TNRC18: variants seen among roughly 807,000 people sequenced by gnomAD.
The protein encoded by TNRC18 is trinucleotide repeat containing 18.
A neutral mutation model predicts 226.7 loss-of-function variants in TNRC18; 69 were observed. The observed-to-expected ratio is 0.30, with a 90% CI of 0.25 to 0.37. The LOEUF is 0.37. Ranked by LOEUF, TNRC18 falls within the 10% of genes least tolerant of loss-of-function variation. The pLI, the probability that TNRC18 is intolerant of heterozygous loss-of-function variation, is 1.00. For synonymous variants in TNRC18, 2,449 were observed against 1,927.6 expected (o/e 1.27, Z -7.09); for missense variants, 4,754 against 4,256.6 (o/e 1.12, Z -3.25).
chr7:5,363,330 T>C (rs6971630), intron 11 of TNRC18, among the ~76,000 whole-genome samples: 82,362 of 150,430 alleles, frequency 0.55, 22,869 homozygotes, highest in African/African-American at 0.65. Flanking sequence ...AGGCCAGGCG[T>C]GGTGGCTCAC....
intron 18 of TNRC18, among the ~76,000 whole-genome samples, chr7:5,344,302 G>A (rs1471827939): frequency 6.6e-6 from 1 of 152,188 alleles, no homozygotes; most frequent in African/African-American, 2.4e-5. Context: ...GCCATTTGGA[G>A]GTTCTGGGCA....
intron 11 of TNRC18, among the ~76,000 whole-genome samples, chr7:5,365,199 G>A (rs1236685022): frequency 1.3e-5 from 2 of 152,112 alleles, no homozygotes; most frequent in Non-Finnish European, 2.9e-5. Flanking sequence ...ACAGCCTCAA[G>A]CTGCCAGGCT....
rs1325816716 is a variant in TNRC18 at position 5,306,812 on chromosome 7, TTTC to T, written c.*1291_*1293del. The T allele has an allele frequency of 1.3e-5, 2 of 151,712 alleles. No individual in the cohort carries two copies. Among genetic ancestry groups the T allele is most frequent in the Admixed American group, 6.6e-5 (1 of 15,264 alleles). 9.4% of individuals were successfully genotyped at this position (151,712 alleles called of 1,614,324 possible). On this transcript the variant is annotated 3_prime_UTR_variant, in exon 30 of 30. Transcript: ENST00000430969. Reference sequence around the variant, plus strand: ...CAATTTTATTTTTCCAATTAAATCTTTTCTTTTTTTTTATGAAAAAAGATCACA... The same window carrying T: ...CAATTTTATTTTTCCAATTAAATCTTTTTTTTTTTATGAAAAAAGATCACA...
At chr7:5,319,312 G>A (rs58911399) in intron 24 of TNRC18, among the ~76,000 whole-genome samples, 5,217 of 152,278 alleles carry the variant, frequency 0.034, 302 homozygotes, top group African/African-American at 0.12. Flanking sequence ...AGGCCAAGCA[G>A]TGGACTGTAT....
At position 5,362,692 on chromosome 7, in the gene TNRC18, C is replaced by T; in HGVS notation, c.4353G>A (p.Lys1451=). The T allele has an allele frequency of 6.3e-7, 1 of 1,586,502 alleles. No individual in the cohort carries two copies. Among genetic ancestry groups the T allele is most frequent in the Non-Finnish European group, 8.6e-7 (1 of 1,167,338 alleles). The stretch of plus-strand genomic sequence containing the variant: ...GCATCCAGCTGTACTTCTTGTTGGG[C>T]TTCAGCTCCCGCGGGAGCCGCAGGT... The part of the protein sequence containing the change: ...LKNLRLPREL[K]PNKKYSWMRK... Residue 1451 remains lysine, a synonymous_variant, in exon 12 of 30, where the codon AAG becomes AAA. Transcript: ENST00000430969.
chr7:5,399,089 T>G (rs57841892), intron 2 of TNRC18, among the ~76,000 whole-genome samples: 38,308 of 152,000 alleles, frequency 0.25, 6,006 homozygotes, highest in East Asian at 0.81. Flanking sequence ...ATCTCTAGAC[T>G]ATACTCCAAG....
Position 5,313,127 on chromosome 7 carries a change from G to T in TNRC18, c.7764C>A (p.Asp2588Glu). The T allele has an allele frequency of 6.7e-7, 1 of 1,495,470 alleles. No homozygotes were observed. The allele number at this position is 1,495,470 out of a possible 1,614,324, so 92.6% of individuals were successfully genotyped here. ...TGCCGCAGCCCCCGTCCCCGTTCTT[G>T]TCGCCTTCCTCCTCCCCTTCTGTCT... ...GSETEGEEEG[D>E]KNGDGGCGTG... The change falls in exon 27 of 30, where the codon GAC (aspartate) becomes GAA (glutamate). Residue 2588 changes from aspartate (D) to glutamate (E), a missense_variant. Coordinates refer to ENST00000430969, the MANE Select transcript of TNRC18 (RefSeq NM_001080495.3).
At chr7:5,386,112 C>A (rs1402429307) in intron 5 of TNRC18, among the ~76,000 whole-genome samples, 3 of 151,276 alleles carry the variant, frequency 2.0e-5, no homozygotes, top group African/African-American at 7.3e-5. Context: ...TATGGTGAAA[C>A]CCTGTCTCTA....
chr7:5,339,071 G>C lies in TNRC18; in HGVS notation c.5720-6022C>G, dbSNP rs756663438. Among the ~76,000 whole-genome samples the C allele has an allele frequency of 1.3e-5, 2 of 152,118 alleles. 1 individual carries two copies. The highest frequency in any genetic ancestry group is 4.1e-4 in the South Asian group (2 of 4,820). On this transcript the variant is annotated intron_variant, in intron 18 of 29. Transcript: ENST00000430969. The stretch of plus-strand genomic sequence containing the variant: ...CCAGCACTTTGGGAGGCCAATGAGC[G>C]CAGATCACTTGAGATCAGGAGTTCG...
chr7:5,366,214 T>C (rs572310500), intron 11 of TNRC18, among the ~76,000 whole-genome samples: 9 of 151,580 alleles, frequency 5.9e-5, no homozygotes, highest in Admixed American at 4.6e-4. Context: ...TAGATGGCAG[T>C]AGTGCTCCCC....
chr7:5,379,059 T>C (rs988319304), intron 5 of TNRC18, among the ~76,000 whole-genome samples: 2 of 151,726 alleles, frequency 1.3e-5, no homozygotes, highest in African/African-American at 4.8e-5. Context: ...CAGCCAGGCG[T>C]GGTGGTGCGC....
At chr7:5,345,522 TCCCACCCACC>T in intron 18 of TNRC18, 30 bp downstream of exon 18, 1 of 170,130 alleles carries the variant, frequency 5.9e-6, no homozygotes, top group Non-Finnish European at 1.1e-5. Flanking sequence ...CGTCCGCCCC[TCCCACCCACC>T]CCCACCGCAG....
chr7:5,309,151 T>C lies in TNRC18; in HGVS notation c.8606A>G (p.Lys2869Arg). ...GCTCACCTGGCCCTGGTGGAACTGC[T>C]TGCCCGGGCTGGTCTCCTCGGGGTG... Reference protein sequence around the residue: ...FYHPEETSPGKQFHQGQHWDQ... With the variant: ...FYHPEETSPGRQFHQGQHWDQ... Residue 2869 changes from lysine (K) to arginine (R), a missense_variant, in exon 28 of 30, where the codon AAG becomes AGG. Transcript: ENST00000430969. This position sits in a 1 kb window ranked among gnomAD's most constrained non-coding sequence, Gnocchi z 5.7. The C allele has an allele frequency of 6.2e-7, 1 of 1,610,824 alleles. No homozygotes were observed. Among genetic ancestry groups the C allele is most frequent in the Non-Finnish European group, 8.5e-7 (1 of 1,179,154 alleles).
chr7:5,352,101 T>C lies in TNRC18; in HGVS notation c.5195-7A>G. The C allele has an allele frequency of 2.5e-6, 4 of 1,592,216 alleles. No individual in the cohort carries two copies. The highest frequency in any genetic ancestry group is 4.5e-5 in the East Asian group (2 of 44,514). On this transcript the variant is annotated splice_region_variant and splice_polypyrimidine_tract_variant and intron_variant, in intron 16 of 29. Transcript: ENST00000430969. ...TCTTCCTCTGAGTCCGTATCTGCAG[T>C]CAAAGTAGTTTTTAATAGAGATAAG...
At chr7:5,402,843 G>C (rs1160911941) in intron 2 of TNRC18, among the ~76,000 whole-genome samples, 3 of 147,846 alleles carry the variant, frequency 2.0e-5, no homozygotes, top group Non-Finnish European at 2.9e-5. Context: ...GACAGAGTGA[G>C]ACTCTGTCTC....
intron 11 of TNRC18, among the ~76,000 whole-genome samples, chr7:5,368,307 T>C (rs1275409117): frequency 2.5e-5 from 3 of 119,278 alleles, no homozygotes; most frequent in Non-Finnish European, 5.5e-5. Context: ...TCTCTACTTT[T>C]TGTAAAAAAA....
rs1235377207 is a variant in TNRC18 at position 5,421,088 on chromosome 7, C to G, written c.159G>C (p.Met53Ile). 4 of 1,490,770 alleles carry G rather than the reference C, an allele frequency of 2.7e-6. No individual in the cohort carries two copies. The highest frequency in any genetic ancestry group is 2.2e-5 in the Admixed American group (1 of 45,502). The allele number at this position is 1,490,770 out of a possible 1,614,324, so 92.3% of individuals were successfully genotyped here. ...LPGPLPPGKY[M>I]AGLNLHPHPG... ...GGTGCGGATGGAGATTCAGGCCGGC[C>G]ATGTACTTCCCGGGCGGCAGCGGGC... Residue 53 changes from methionine to isoleucine, a missense_variant, in exon 2 of 30, where the codon ATG (methionine) becomes ATC (isoleucine). By Grantham distance (10) the Met-to-Ile change is conservative. Transcript: ENST00000430969.
In TNRC18 at chr7:5,377,726, C is replaced by T. The variant is rs889532567; in HGVS notation, c.2256-150G>A. ...CTGAAGGGCCTCCCGGGGCCTTCCA[C>T]ACTCACTGTAGGGGCAGTGGGGCCA... On this transcript the variant is annotated intron_variant, in intron 6 of 29. Coordinates refer to ENST00000430969, the MANE Select transcript of TNRC18 (RefSeq NM_001080495.3). The surrounding 1 kb of genome is among the most constrained non-coding windows in gnomAD (Gnocchi z 5.8). 5.6e-6 allele frequency: 6 copies of T among 1,079,920 alleles called. No homozygotes were observed. The South Asian group carries it at 7.9e-5, about 14-fold the overall frequency. 66.9% of individuals were successfully genotyped at this position (1,079,920 alleles called of 1,614,324 possible).
At chr7:5,383,414 G>C (rs1360720055) in intron 5 of TNRC18, among the ~76,000 whole-genome samples, 1 of 152,212 alleles carries the variant, frequency 6.6e-6, no homozygotes, top group African/African-American at 2.4e-5. Context: ...GAGCAGATGA[G>C]AGAGAGGCGT....
Sources: allele counts gnomAD v4.1 joint callset (sites outside exome capture counted in the v4.1 genomes callset), GRCh38; gene constraint gnomAD v4.1.1; non-coding constraint Gnocchi (gnomAD v3.1); transcripts MANE v1.5; gene names NCBI Gene and HGNC (gene_info 2026-07-23, HGNC 2026-07-21).